The following PLEKHA5 variants were observed in gnomAD, a reference collection of about 807,000 sequenced individuals.
The protein encoded by PLEKHA5 is pleckstrin homology domain containing A5, also known as pleckstrin homology domain-containing family A member 5.
PLEKHA5 carries 55 observed loss-of-function variants against 181.9 expected under a neutral mutation model. The observed-to-expected ratio is 0.30, with a 90% CI of 0.24 to 0.38. PLEKHA5 has a LOEUF of 0.38. Among genes scored for constraint, PLEKHA5 ranks in the 10% least tolerant of loss-of-function variants. The pLI is 1.00. For synonymous variants in PLEKHA5, 535 were observed against 529.4 expected, an observed-to-expected ratio of 1.01 and a Z score of -0.15; for missense variants, 1,432 against 1,549.5, an observed-to-expected ratio of 0.92 and a Z score of 1.27.
chr12:19,290,103 T>C (rs1356015678), intron 13 of PLEKHA5, among the ~76,000 whole-genome samples: 3 of 151,936 alleles, frequency 2.0e-5, no homozygotes, highest in Non-Finnish European at 4.4e-5. Flanking sequence ...CCACCATGCC[T>C]GGCTAATTTT....
chr12:19,147,067 AAG>A (rs1261983758), intron 3 of PLEKHA5: 1 of 152,164 alleles, frequency 6.6e-6, no homozygotes, highest in Non-Finnish European at 1.5e-5. Flanking sequence ...TTGGGGTTCT[AAG>A]AGAATATGCC....
chr12:19,359,367 G>T, intron 27 of PLEKHA5, 45 bp from the exon 28 acceptor site: 1 of 1,554,676 alleles, frequency 6.4e-7, no homozygotes, highest in Non-Finnish European at 8.8e-7. Flanking sequence ...AAATATACAT[G>T]CATGCACAGT....
chr12:19,129,738 C>T lies in PLEKHA5; in HGVS notation c.-62C>T. On this transcript the variant is annotated 5_prime_UTR_variant, in exon 1 of 32. Coordinates refer to ENST00000429027, the MANE Select transcript of PLEKHA5 (RefSeq NM_001256470.2). ...CGCGCTCCCTTCGCTCGCTCGTTCC[C>T]TCCTCCCTCGGCAGCCGCGGCGGCA... 4 of 1,348,554 alleles carry T rather than the reference C, an allele frequency of 3.0e-6. No individual in the cohort carries two copies. Among genetic ancestry groups the T allele is most frequent in the Middle Eastern group, 1.8e-4 (1 of 5,512 alleles). 83.5% of individuals were successfully genotyped at this position (1,348,554 alleles called of 1,614,324 possible). A position where few individuals can be genotyped will look rare whatever the true frequency, so the allele number is the denominator to read the frequency against.
chr12:19,267,399 T>A (rs1398685852), intron 8 of PLEKHA5, among the ~76,000 whole-genome samples: 2 of 152,220 alleles, frequency 1.3e-5, no homozygotes, highest in Non-Finnish European at 2.9e-5. Flanking sequence ...GGCTCATGCC[T>A]GTAATCCCAG....
chr12:19,153,312 T>G (rs1347552818), intron 3 of PLEKHA5: 1 of 152,188 alleles, frequency 6.6e-6, no homozygotes, highest in Non-Finnish European at 1.5e-5. Context: ...TCTTTTAGTT[T>G]GCTTATTCAG....
At chr12:19,224,753 G>T (rs1036595011) in intron 3 of PLEKHA5, among the ~76,000 whole-genome samples, 3 of 152,106 alleles carry the variant, frequency 2.0e-5, no homozygotes, top group Admixed American at 6.5e-5. Flanking sequence ...ATTACATAAT[G>T]ATAGTGATAT....
At chr12:19,332,713 G>A (rs999471650) in intron 20 of PLEKHA5, among the ~76,000 whole-genome samples, 8 of 152,272 alleles carry the variant, frequency 5.3e-5, no homozygotes, top group African/African-American at 1.7e-4. Flanking sequence ...ACACAGGCTG[G>A]AGTACAATGG....
At chr12:19,364,510 CA>C (rs1027249743) in intron 29 of PLEKHA5, among the ~76,000 whole-genome samples, 7 of 149,146 alleles carry the variant, frequency 4.7e-5, no homozygotes, top group African/African-American at 7.4e-5. Context: ...GAATCTGCCT[CA>C]AAAAAAAAAT....
intron 11 of PLEKHA5, among the ~76,000 whole-genome samples, 169 bp from the exon 12 acceptor site, chr12:19,283,111 C>A (rs2076525178): frequency 7.7e-6 from 1 of 130,210 alleles, no homozygotes; most frequent in African/African-American, 3.0e-5. Context: ...CACGCCATTG[C>A]ACTCCAGCTT....
In PLEKHA5 at chr12:19,359,497, T is replaced by C; in HGVS notation, c.3434T>C (p.Ile1145Thr). 1 of 1,613,818 alleles carries C rather than the reference T, an allele frequency of 6.2e-7. No individual in the cohort carries two copies. Residue 1145 changes from isoleucine (I) to threonine (T), a missense_variant, in exon 28 of 32, where the codon ATT becomes ACT. Ile to Thr is a moderately conservative substitution (Grantham distance 89). This residue lies in a region of PLEKHA5 where 1,143 missense variants were observed against 1,168.4 expected (regional missense o/e 0.98). Transcript: ENST00000429027. ...KPDHETPATE[I>T]VQLKETEPQN... ...GACCATGAAACTCCTGCAACAGAAA[T>C]TGTTCAACTAAAAGAAACCGAACCC...
At chr12:19,146,493 G>A (rs898699824) in intron 3 of PLEKHA5, among the ~76,000 whole-genome samples, 1 of 152,114 alleles carries the variant, frequency 6.6e-6, no homozygotes, top group South Asian at 2.1e-4. Context: ...CAAATAAAAA[G>A]TTTTTGAGTA....
chr12:19,306,856 A>G (rs2083948208), intron 15 of PLEKHA5: 1 of 791,774 alleles, frequency 1.3e-6, no homozygotes, highest in Middle Eastern at 2.3e-4. Context: ...ATAACGTACC[A>G]TATGCAGAAG....
intron 20 of PLEKHA5, among the ~76,000 whole-genome samples, chr12:19,327,246 T>TG (rs920860417): frequency 5.8e-5 from 5 of 85,926 alleles, no homozygotes; most frequent in South Asian, 4.1e-4. Context: ...CATCTGTTTT[T>TG]GTTTTTTTTT....
intron 3 of PLEKHA5, among the ~76,000 whole-genome samples, chr12:19,214,256 T>C (rs909928878): frequency 1.3e-5 from 2 of 152,190 alleles, no homozygotes. Context: ...GTGTTAACTG[T>C]CTCAGGTGCT....
intron 3 of PLEKHA5, among the ~76,000 whole-genome samples, chr12:19,173,437 A>G (rs1359329093): frequency 7.5e-6 from 1 of 133,198 alleles, no homozygotes. Context: ...TCTGCCCATC[A>G]GAATAGTAAA....
chr12:19,160,964 A>G (rs1387317524), intron 3 of PLEKHA5, among the ~76,000 whole-genome samples: 2 of 152,148 alleles, frequency 1.3e-5, no homozygotes. Flanking sequence ...TGTATGAAAC[A>G]AAAGAGTAAG....
At chr12:19,348,582 A>G in intron 25 of PLEKHA5, 63 bp downstream of exon 25, 2 of 1,268,246 alleles carry the variant, frequency 1.6e-6, no homozygotes. Flanking sequence ...TACTGCCAAA[A>G]TAGTAGTAAA....
chr12:19,251,352 A>G (rs767551513), intron 3 of PLEKHA5, among the ~76,000 whole-genome samples: 2 of 151,170 alleles, frequency 1.3e-5, no homozygotes, highest in Non-Finnish European at 2.9e-5. Context: ...GGTTGCAGTG[A>G]TCTGAGATTG....
At chr12:19,257,680 C>A (rs2067230665) in intron 6 of PLEKHA5, 143 bp downstream of exon 6, 6 of 590,046 alleles carry the variant, frequency 1.0e-5, no homozygotes, top group Non-Finnish European at 1.8e-5. Flanking sequence ...CTGCTTGTTA[C>A]CCCTGAAGAA....
Sources: gnomAD v4.1 joint callset for allele counts (sites outside exome capture counted in the v4.1 genomes callset) on GRCh38, gnomAD v4.1.1 for gene constraint, gnomAD v4.1.1 regional missense constraint, MANE v1.5 for transcripts, NCBI Gene and HGNC (gene_info 2026-07-23, HGNC 2026-07-21) for gene names.